Variants in HVCN1 observed in about 807,000 individuals in gnomAD.
HVCN1 encodes hydrogen voltage gated channel 1.
In HVCN1, 14 loss-of-function variants were observed where a neutral mutation model predicts 29.2. The ratio of observed to expected loss-of-function variants is 0.48; its 90% CI spans 0.32 to 0.75. HVCN1 has a LOEUF of 0.75. HVCN1 is among the 30% of genes least tolerant of loss of function. The pLI is 0.04. For missense variants in HVCN1, 263 were observed against 341.8 expected, an observed-to-expected ratio of 0.77 and a Z score of 1.82; for synonymous variants, 131 against 133.2, an observed-to-expected ratio of 0.98 and a Z score of 0.11.
intron 2 of HVCN1, among the ~76,000 whole-genome samples, chr12:110,699,879 G>A (rs921621617): frequency 1.3e-5 from 2 of 152,130 alleles, no homozygotes; most frequent in Non-Finnish European, 1.5e-5. Context: ...CCACAGGCTG[G>A]AGGCATGAAG....
chr12:110,703,191 A>G (rs1266049419), intron 1 of HVCN1, among the ~76,000 whole-genome samples: 1 of 147,200 alleles, frequency 6.8e-6, no homozygotes, highest in Non-Finnish European at 1.5e-5. Flanking sequence ...GCAACATAGT[A>G]AGGTCATGTC....
chr12:110,659,974 G>A (rs190980231), intron 4 of HVCN1, among the ~76,000 whole-genome samples: 159 of 152,186 alleles, frequency 1.0e-3, no homozygotes, highest in Admixed American at 1.7e-3. Flanking sequence ...GCTGAGGCAG[G>A]ATAGCTTGAA....
chr12:110,663,981 G>A (rs1294043378), intron 3 of HVCN1, among the ~76,000 whole-genome samples: 7 of 152,016 alleles, frequency 4.6e-5, no homozygotes, highest in East Asian at 3.8e-4. Context: ...GCAGGGGTGC[G>A]ATCATAGCTC....
At chr12:110,698,880 C>A (rs904356338) in intron 2 of HVCN1, among the ~76,000 whole-genome samples, 4 of 152,236 alleles carry the variant, frequency 2.6e-5, no homozygotes, top group African/African-American at 9.6e-5. Flanking sequence ...GTAATCCCAA[C>A]GCTTTGGGAG....
At chr12:110,677,505 T>C (rs1426719553) in intron 3 of HVCN1, among the ~76,000 whole-genome samples, 2 of 152,158 alleles carry the variant, frequency 1.3e-5, no homozygotes, top group African/African-American at 4.8e-5. Context: ...GTTCACAGCA[T>C]GACCTCTGTG....
chr12:110,672,850 G>A (rs867227751), intron 3 of HVCN1, among the ~76,000 whole-genome samples: 171 of 152,144 alleles, frequency 1.1e-3, no homozygotes, highest in Non-Finnish European at 2.0e-3. Flanking sequence ...AGTGCCTTTC[G>A]CCTCCTGCCA....
In HVCN1 at chr12:110,676,244, C is replaced by T. The variant is rs990508780; in HGVS notation, c.21+6981G>A. 9.2e-5 allele frequency among the ~76,000 whole-genome samples: 14 copies of T among 152,226 alleles called. No individual in the cohort carries two copies. The highest frequency in any genetic ancestry group is 3.4e-4 in the African/African-American group (14 of 41,460). On this transcript the variant is annotated intron_variant, in intron 3 of 7. Coordinates refer to ENST00000242607, the MANE Select transcript of HVCN1 (RefSeq NM_032369.4). This position sits in a 1 kb window ranked among gnomAD's most constrained non-coding sequence, Gnocchi z 4.1. ...CTCTGCCACTGCCCTGGCCAACCCC[C>T]TGCCTCACTTGGAGGCTGTCGCAGC... is the stretch of plus-strand genomic sequence containing the variant.
intron 3 of HVCN1, among the ~76,000 whole-genome samples, chr12:110,664,202 A>C (rs1420439169): frequency 1.3e-5 from 2 of 152,184 alleles, no homozygotes; most frequent in Non-Finnish European, 2.9e-5. Context: ...TTACAGGTAC[A>C]TGCCACTGTG....
Position 110,655,270 on chromosome 12 carries a change from C to T in HVCN1, c.375G>A (p.Lys125=). 6.2e-7 allele frequency: 1 copy of T among 1,613,822 alleles called. No individual in the cohort carries two copies. Among genetic ancestry groups the T allele is most frequent in the African/African-American group, 1.3e-5 (1 of 74,954 alleles). The change falls in exon 5 of 8, where the codon AAG becomes AAA. Residue 125 remains lysine, a synonymous_variant. Transcript: ENST00000242607. ...AGTTATTCTTGTCGGGCTGGATGATCTTCAGGTCCAGGATGAGCTCAGCAA... is the reference window on the plus strand; with the variant it reads ...AGTTATTCTTGTCGGGCTGGATGATTTTCAGGTCCAGGATGAGCTCAGCAA... The part of the protein sequence containing the change: ...LVLAELILDL[K]IIQPDKNNYA...
At chr12:110,672,532 A>G (rs966608587) in intron 3 of HVCN1, among the ~76,000 whole-genome samples, 1 of 151,634 alleles carries the variant, frequency 6.6e-6, no homozygotes, top group Non-Finnish European at 1.5e-5. Flanking sequence ...ATCAACCCCA[A>G]CTCCCAGGAG....
chr12:110,664,353 T>C (rs2068274824), intron 3 of HVCN1, among the ~76,000 whole-genome samples: 1 of 152,194 alleles, frequency 6.6e-6, no homozygotes, highest in African/African-American at 2.4e-5. Flanking sequence ...CTAAAAAATG[T>C]TGACTGTAAA....
chr12:110,670,919 C>T (rs146318219), intron 3 of HVCN1, among the ~76,000 whole-genome samples: 54 of 152,272 alleles, frequency 3.5e-4, no homozygotes, highest in African/African-American at 1.1e-3. Flanking sequence ...GGGCCAGGCG[C>T]GGTAGCTCAC....
upstream of HVCN1, chr12:110,689,188 G>T (rs1386083042): frequency 9.4e-6 from 1 of 106,296 alleles, no homozygotes; most frequent in Non-Finnish European, 1.9e-5. This position sits in a 1 kb window ranked among gnomAD's most constrained non-coding sequence, Gnocchi z 5.7. Context: ...CGCCCGGGCC[G>T]CCCCCGCCCC....
At chr12:110,665,261 T>C (rs906283477) in intron 3 of HVCN1, among the ~76,000 whole-genome samples, 5 of 152,130 alleles carry the variant, frequency 3.3e-5, no homozygotes, top group African/African-American at 1.2e-4. Context: ...AATCAGCTAA[T>C]AGAAGATTCA....
intron 3 of HVCN1, among the ~76,000 whole-genome samples, chr12:110,679,649 C>T (rs1593513028): frequency 1.3e-5 from 2 of 151,904 alleles, no homozygotes; most frequent in Admixed American, 6.6e-5. Flanking sequence ...GTCAGGAGAT[C>T]GAGACCATCC....
At chr12:110,675,735 A>C (rs917002674) in intron 3 of HVCN1, among the ~76,000 whole-genome samples, 4 of 151,582 alleles carry the variant, frequency 2.6e-5, no homozygotes, top group Non-Finnish European at 5.9e-5. Flanking sequence ...GTGAAACTCT[A>C]TCTCTACTAA....
chr12:110,661,463 CAG>C lies in HVCN1; in HGVS notation c.22-17_22-16del. The C allele has an allele frequency of 6.2e-7, 1 of 1,611,540 alleles. No homozygotes were observed. The highest frequency in any genetic ancestry group is 8.5e-7 in the Non-Finnish European group (1 of 1,178,310). ...CGGGTGACTGCCTAGAAGGCGGGGA[CAG>C]AGAGCAAGAGCTTCAGGCAGTTGGC... On this transcript the variant is annotated splice_polypyrimidine_tract_variant and intron_variant, in intron 3 of 7. Coordinates refer to ENST00000242607, the MANE Select transcript of HVCN1 (RefSeq NM_032369.4). This position sits in a 1 kb window ranked among gnomAD's most constrained non-coding sequence, Gnocchi z 6.2.
chr12:110,667,136 T>C (rs547771762), intron 3 of HVCN1, among the ~76,000 whole-genome samples: 1 of 152,214 alleles, frequency 6.6e-6, no homozygotes, highest in South Asian at 2.1e-4. Flanking sequence ...CCACTGGCCA[T>C]AATTCCTTTC....
At chr12:110,693,397 A>G (rs1330952680), upstream of HVCN1, among the ~76,000 whole-genome samples, 1 of 152,084 alleles carries the variant, frequency 6.6e-6, no homozygotes, top group Admixed American at 6.6e-5. Flanking sequence ...ATACAAAATT[A>G]GCCGGGTGTG....
Sources: gnomAD v4.1 joint callset for allele counts (sites outside exome capture counted in the v4.1 genomes callset) on GRCh38, gnomAD v4.1.1 for gene constraint, Gnocchi (gnomAD v3.1) non-coding constraint, MANE v1.5 for transcripts, NCBI Gene and HGNC (gene_info 2026-07-23, HGNC 2026-07-21) for gene names.